The following CCDC15 variants were observed in gnomAD, a reference collection of about 807,000 sequenced individuals.
The protein encoded by CCDC15 is coiled-coil domain-containing protein 15.
In CCDC15, 105 loss-of-function variants were observed where a neutral mutation model predicts 114.5. That is an observed-to-expected ratio of 0.92 (90% CI 0.78 to 1.08). CCDC15 has a LOEUF of 1.08. CCDC15 is among the 50% of genes least tolerant of loss of function. The probability of loss-of-function intolerance (pLI) is 0.00; values close to 1 mark genes in which losing one functional copy is unlikely to be tolerated. For synonymous variants in CCDC15, 334 were observed against 377.8 expected (o/e 0.88, Z 1.34); for missense variants, 1,105 against 1,093.6 (o/e 1.01, Z -0.15).
Position 124,959,838 on chromosome 11 carries a change from C to T in CCDC15, c.351C>T (p.Ala117=), listed in dbSNP as rs753219776. The T allele has an allele frequency of 1.2e-6, 2 of 1,602,124 alleles. No individual in the cohort carries two copies. Among genetic ancestry groups the T allele is most frequent in the Non-Finnish European group, 1.7e-6 (2 of 1,173,688 alleles). The change falls in exon 4 of 16, where the codon GCC becomes GCT. Residue 117 remains alanine (A), a synonymous_variant. Transcript: ENST00000344762. The part of the protein sequence containing the change: ...YERAQKEGSI[A]MQSSATHLTS... Reference sequence around the variant, plus strand: ...AGGCACAAAAAGAAGGCTCCATAGCCATGCAGTCTTCAGCAACACACTTAA... The same window carrying T: ...AGGCACAAAAAGAAGGCTCCATAGCTATGCAGTCTTCAGCAACACACTTAA...
intron 5 of CCDC15, 105 bp from the exon 6 acceptor site, chr11:124,977,373 A>G (rs1947990658): frequency 3.5e-6 from 4 of 1,135,276 alleles, no homozygotes; most frequent in African/African-American, 3.2e-5. Context: ...TAGACTACCA[A>G]AACCTACTAA....
intron 5 of CCDC15, among the ~76,000 whole-genome samples, chr11:124,976,508 T>A (rs1350135124): frequency 1.3e-5 from 2 of 152,136 alleles, no homozygotes; most frequent in Non-Finnish European, 2.9e-5. Context: ...TATTTTCAGA[T>A]GTTGGTTTCT....
rs1362413275 is a variant in CCDC15, at chr11:124,969,667, G to A, written c.517-5429G>A. Among the ~76,000 whole-genome samples the A allele has an allele frequency of 2.0e-5, 3 of 152,148 alleles. No homozygotes were observed. In the East Asian group the frequency reaches 5.8e-4, roughly 29 times the overall value. On this transcript the variant is annotated intron_variant, in intron 4 of 15. Transcript: ENST00000344762. ...GTAAAGCTTTAAGTAATGTGAAATA[G>A]CCTGCTAAATTCTTGTAATCTACCA... is the stretch of plus-strand genomic sequence containing the variant.
chr11:124,995,194 C>G (rs1015312198), intron 11 of CCDC15, among the ~76,000 whole-genome samples: 2 of 152,056 alleles, frequency 1.3e-5, no homozygotes, highest in African/African-American at 4.8e-5. Context: ...CTTTTTTCTT[C>G]ATAAAGTCGG....
intron 4 of CCDC15, among the ~76,000 whole-genome samples, chr11:124,974,085 C>T (rs913801076): frequency 6.6e-6 from 1 of 152,224 alleles, no homozygotes. Context: ...AGCAGTTCTC[C>T]CGCCTCAGCC....
At chr11:125,003,098 A>G (rs1171285057) in intron 11 of CCDC15, among the ~76,000 whole-genome samples, 1 of 151,974 alleles carries the variant, frequency 6.6e-6, no homozygotes, top group Non-Finnish European at 1.5e-5. Context: ...TTCAGAGTAT[A>G]AAATTCACAC....
chr11:124,960,323 CAAAAAAAAAAAAA>C (rs1206885094), intron 4 of CCDC15, among the ~76,000 whole-genome samples: 5 of 23,494 alleles, frequency 2.1e-4, no homozygotes, highest in Non-Finnish European at 3.3e-4. Flanking sequence ...GACTCCGTCT[CAAAAAAAAAAAAA>C]AAAAAAAAAA....
rs1039675068 is a variant in CCDC15 at position 124,997,609 on chromosome 11, C to A, written c.2214+4366C>A. Among the ~76,000 whole-genome samples the A allele has an allele frequency of 2.0e-5, 3 of 152,042 alleles. No homozygotes were observed. In the East Asian group the frequency reaches 5.8e-4, roughly 29 times the overall value. On this transcript the variant is annotated intron_variant, in intron 11 of 15. Transcript: ENST00000344762. ...TGGCCATCATTTTAGAGAATATCTT[C>A]GTTGTTATAAGCAAAATATTGGTGG... is the stretch of plus-strand genomic sequence containing the variant.
At chr11:125,008,514 G>A (rs1364152044) in intron 13 of CCDC15, among the ~76,000 whole-genome samples, 6 of 151,820 alleles carry the variant, frequency 4.0e-5, no homozygotes, top group Non-Finnish European at 4.4e-5. Context: ...ATTTCCTTTC[G>A]TTGCCTTATT....
In CCDC15 at chr11:124,959,166, C is replaced by A; in HGVS notation, c.229C>A (p.Gln77Lys). The A allele has an allele frequency of 1.9e-6, 3 of 1,587,608 alleles. No individual in the cohort carries two copies. Among genetic ancestry groups the A allele is most frequent in the African/African-American group, 1.4e-5 (1 of 73,642 alleles). ...ACTAAAGGAACAGCTAAGAAAAAAA[C>A]AAGAAGCTTTGAAACATTTTCAGAA... ...EELKEQLRKK[Q>K]EALKHFQKQV... The change falls in exon 3 of 16, where the codon CAA becomes AAA. Residue 77 changes from glutamine (Q) to lysine (K), a missense_variant. Gln to Lys is a moderately conservative substitution (Grantham distance 53). Transcript: ENST00000344762.
chr11:124,995,509 G>A (rs1037615930), intron 11 of CCDC15, among the ~76,000 whole-genome samples: 4 of 152,164 alleles, frequency 2.6e-5, no homozygotes, highest in Non-Finnish European at 5.9e-5. Context: ...GATAGGTTTT[G>A]AATGTGTTAG....
chr11:124,956,002 G>A (rs1029276193), intron 2 of CCDC15, among the ~76,000 whole-genome samples: 2 of 152,088 alleles, frequency 1.3e-5, no homozygotes, highest in Non-Finnish European at 2.9e-5. Flanking sequence ...AGGAGAATGA[G>A]GAGAGTAAGA....
chr11:124,989,175 G>A (rs1948228016), intron 8 of CCDC15, among the ~76,000 whole-genome samples: 1 of 152,238 alleles, frequency 6.6e-6, no homozygotes, highest in Non-Finnish European at 1.5e-5. Context: ...CAGAATGGAT[G>A]TTGTGTTAGC....
chr11:124,990,619 A>G (rs771282686), intron 8 of CCDC15, among the ~76,000 whole-genome samples: 1 of 152,246 alleles, frequency 6.6e-6, no homozygotes, highest in Non-Finnish European at 1.5e-5. Flanking sequence ...TGCTCTTACT[A>G]AATGTTAAAG....
chr11:124,993,229 C>T lies in CCDC15; in HGVS notation c.2200C>T (p.Pro734Ser), dbSNP rs1477612067. ...EKWEIARGNT[P>S]GVPLAYDRYQ... ...ATGGGAGATTGCAAGAGGAAATACT[C>T]CTGGAGTGCCCTTGGTATGTTTCAC... The change falls in exon 11 of 16, where the codon CCT becomes TCT. Residue 734 changes from proline (P) to serine (S), a missense_variant. Physicochemically the swap from Pro to Ser is moderately conservative, Grantham distance 74 (BLOSUM62 -1). Transcript: ENST00000344762. 1.9e-6 allele frequency: 3 copies of T among 1,598,346 alleles called. No homozygotes were observed. Among genetic ancestry groups the T allele is most frequent in the East Asian group, 2.2e-5 (1 of 44,766 alleles).
At chr11:124,965,194 T>C (rs1387862110) in intron 4 of CCDC15, among the ~76,000 whole-genome samples, 1 of 152,216 alleles carries the variant, frequency 6.6e-6, no homozygotes, top group Non-Finnish European at 1.5e-5. Context: ...TTCTATTGAT[T>C]GGAATAGTTT....
At chr11:125,032,728 T>C (rs1948748629) in intron 13 of CCDC15, among the ~76,000 whole-genome samples, 3 of 152,210 alleles carry the variant, frequency 2.0e-5, no homozygotes, top group Non-Finnish European at 4.4e-5. Context: ...TGCCTGCTGC[T>C]GAGTATGTCT....
intron 6 of CCDC15, among the ~76,000 whole-genome samples, chr11:124,985,766 C>G (rs938620670): frequency 1.3e-5 from 2 of 151,112 alleles, no homozygotes; most frequent in African/African-American, 2.4e-5. Context: ...ATTCTGGATA[C>G]AAGTTCCTTA....
In CCDC15 at chr11:124,971,362, A is replaced by G. The variant is rs188433146; in HGVS notation, c.517-3734A>G. Among the ~76,000 whole-genome samples the G allele has an allele frequency of 6.6e-5, 10 of 152,350 alleles. No homozygotes were observed. In the East Asian group the frequency reaches 1.9e-3, roughly 29 times the overall value. ...AGAAAAGCTGAAAATTCTAAAAACC[A>G]GGGCATCTCTTCTCCAAAGGGTCAC... On this transcript the variant is annotated intron_variant, in intron 4 of 15. Coordinates refer to ENST00000344762, the MANE Select transcript of CCDC15 (RefSeq NM_025004.3).
Sources: allele counts gnomAD v4.1 joint callset (sites outside exome capture counted in the v4.1 genomes callset), GRCh38; gene constraint gnomAD v4.1.1; transcripts MANE v1.5; gene names NCBI Gene and HGNC (gene_info 2026-07-23, HGNC 2026-07-21).